KCNH7: variants seen among roughly 807,000 people sequenced by gnomAD.
The protein encoded by KCNH7 is voltage-gated inwardly rectifying potassium channel KCNH7.
Under a neutral mutation model 120.8 loss-of-function variants are expected in KCNH7, and 49 were observed. The ratio of observed to expected loss-of-function variants is 0.41; its 90% confidence interval spans 0.32 to 0.51. The LOEUF (loss-of-function observed/expected upper bound fraction) is 0.51, where lower values mean the gene tolerates loss of function less well. KCNH7 is among the 20% of genes least tolerant of loss of function. The pLI is 0.38. For synonymous variants in KCNH7, 547 were observed against 516.1 expected, an observed-to-expected ratio of 1.06 and a Z score of -0.81; for missense variants, 1,097 against 1,446.6, an observed-to-expected ratio of 0.76 and a Z score of 3.92.
chr2:162,726,520 A>C (rs1009056253), intron 2 of KCNH7, among the ~76,000 whole-genome samples: 2 of 152,112 alleles, frequency 1.3e-5, no homozygotes, highest in Non-Finnish European at 2.9e-5. Context: ...CCCGGATTCA[A>C]GTGATTCTCC....
At chr2:162,471,730 A>T (rs1366162352) in intron 6 of KCNH7, among the ~76,000 whole-genome samples, 55 of 152,240 alleles carry the variant, frequency 3.6e-4, no homozygotes, top group Admixed American at 3.6e-3. Flanking sequence ...AGAATTGGAA[A>T]AAACTACTTT....
intron 15 of KCNH7, 144 bp downstream of exon 15, chr2:162,373,326 C>T (rs937723604): frequency 2.1e-6 from 1 of 472,010 alleles, no homozygotes; most frequent in East Asian, 3.4e-5. Context: ...ATTACAGGGC[C>T]CATTTCCAGA....
rs1693503095 is a variant in KCNH7, at chr2:162,572,172, T to G, written c.308-35092A>C. On this transcript the variant is annotated intron_variant, in intron 2 of 15. Coordinates refer to ENST00000332142, the MANE Select transcript of KCNH7 (RefSeq NM_033272.4). Reference sequence around the variant, plus strand: ...TCTGACAAAGGGCTAATATCCAGAATCTATAATGAGCTCCAACAAATTTAC... The same window carrying G: ...TCTGACAAAGGGCTAATATCCAGAAGCTATAATGAGCTCCAACAAATTTAC... Among the ~76,000 whole-genome samples, 7 of 152,092 alleles carry G rather than the reference T, an allele frequency of 4.6e-5. No homozygotes were observed. The South Asian group carries it at 1.5e-3, about 32-fold the overall frequency.
chr2:162,570,884 T>A (rs1304652703), intron 2 of KCNH7, among the ~76,000 whole-genome samples: 1 of 152,150 alleles, frequency 6.6e-6, no homozygotes, highest in African/African-American at 2.4e-5. Context: ...TAGGTATTGA[T>A]GGGCCGTATT....
chr2:162,826,976 A>G (rs1685308257), intron 2 of KCNH7, among the ~76,000 whole-genome samples: 1 of 152,078 alleles, frequency 6.6e-6, no homozygotes, highest in Non-Finnish European at 1.5e-5. Context: ...AGAGTTGATG[A>G]AGGGTTCAGG....
chr2:162,439,312 T>C (rs892610550), intron 7 of KCNH7, among the ~76,000 whole-genome samples: 2 of 152,094 alleles, frequency 1.3e-5, no homozygotes, highest in Non-Finnish European at 2.9e-5. Flanking sequence ...AAAAAGAGCA[T>C]AAAAGCTCAC....
chr2:162,444,184 C>T (rs1312867993), intron 7 of KCNH7, among the ~76,000 whole-genome samples: 1 of 152,086 alleles, frequency 6.6e-6, no homozygotes, highest in African/African-American at 2.4e-5. Flanking sequence ...TGGTCTTTTG[C>T]CCTCTGCCAT....
rs1383753302 is a variant in KCNH7, at chr2:162,632,226, T to C, written c.308-95146A>G. ...TTTCCGTAAAGCAGGAATACCCAAT[T>C]AGAAAATTTAATGGAAAAATAGTAT... On this transcript the variant is annotated intron_variant, in intron 2 of 15. Transcript: ENST00000332142. Among the ~76,000 whole-genome samples the C allele has an allele frequency of 1.3e-5, 2 of 151,946 alleles. 1 individual carries two copies. The highest frequency in any genetic ancestry group is 6.3e-3 in the Middle Eastern group (2 of 316).
chr2:162,440,680 A>G (rs1688390403), intron 7 of KCNH7, among the ~76,000 whole-genome samples: 2 of 152,108 alleles, frequency 1.3e-5, no homozygotes, highest in South Asian at 4.1e-4. Context: ...CTTCTAAAGT[A>G]TGGCTTTTAA....
intron 2 of KCNH7, among the ~76,000 whole-genome samples, chr2:162,715,977 T>TGTGTGTGTGTGTGTGC (rs374889170): frequency 1.3e-5 from 2 of 151,262 alleles, no homozygotes; most frequent in African/African-American, 4.9e-5. Context: ...TGTGTGTGTG[T>TGTGTGTGTGTGTGTGC]GCACACCACA....
At chr2:162,729,325 C>T (rs1380739304) in intron 2 of KCNH7, among the ~76,000 whole-genome samples, 2 of 152,100 alleles carry the variant, frequency 1.3e-5, no homozygotes, top group South Asian at 2.1e-4. Context: ...GACACCACGC[C>T]CGGCTAATTT....
intron 2 of KCNH7, among the ~76,000 whole-genome samples, chr2:162,678,756 C>A (rs1438147814): frequency 6.6e-6 from 1 of 151,522 alleles, no homozygotes; most frequent in Non-Finnish European, 1.5e-5. Context: ...AGCCCAGGAA[C>A]TCTTTCAAAA....
Position 162,670,492 on chromosome 2 carries a change from A to AAAG in KCNH7, c.308-133413_308-133412insCTT, listed in dbSNP as rs1553511726. On this transcript the variant is annotated intron_variant, in intron 2 of 15. Transcript: ENST00000332142. Reference sequence around the variant, plus strand: ...TGTCAAAAAAAAAAAAAAAAAAAAAAGAAAAATATTGACTGTATAAACAAT... The same window carrying AAAG: ...TGTCAAAAAAAAAAAAAAAAAAAAAAAAGGAAAAATATTGACTGTATAAACAAT... Among the ~76,000 whole-genome samples the AAAG allele has an allele frequency of 3.1e-3, 443 of 144,686 alleles. 4 individuals carry two copies. The highest frequency in any genetic ancestry group is 0.011 in the African/African-American group (410 of 35,874). The allele number at this position is 144,686 out of a possible 152,430, so 94.9% of individuals were successfully genotyped here.
intron 2 of KCNH7, among the ~76,000 whole-genome samples, chr2:162,804,725 T>C (rs1317003217): frequency 6.6e-6 from 1 of 151,408 alleles, no homozygotes; most frequent in Non-Finnish European, 1.5e-5. Flanking sequence ...AACATCATTT[T>C]TCATAGATTT....
chr2:162,491,814 G>A lies in KCNH7; in HGVS notation c.1128+12629C>T, dbSNP rs184788985. On this transcript the variant is annotated intron_variant, in intron 6 of 15. Transcript: ENST00000332142. ...TGCCTTTTTCCCCTCTTTCTAGATG[G>A]GTAGCCATTCATCTTCAGTCTGTAC... is the stretch of plus-strand genomic sequence containing the variant. Among the ~76,000 whole-genome samples the A allele has an allele frequency of 9.6e-4, 146 of 152,232 alleles. 1 individual carries two copies. The highest frequency in any genetic ancestry group is 2.8e-3 in the Admixed American group (43 of 15,298).
At chr2:162,765,655 T>C (rs1167754884) in intron 2 of KCNH7, among the ~76,000 whole-genome samples, 1 of 152,192 alleles carries the variant, frequency 6.6e-6, no homozygotes, top group East Asian at 1.9e-4. Context: ...ATTACTGTCT[T>C]TCATGGAGCT....
chr2:162,443,322 C>A (rs202190306), intron 7 of KCNH7, among the ~76,000 whole-genome samples: 1 of 152,110 alleles, frequency 6.6e-6, no homozygotes, highest in South Asian at 2.1e-4. Flanking sequence ...GTTCAATAAC[C>A]AATAGTCATC....
chr2:162,583,125 C>T (rs1195611475), intron 2 of KCNH7, among the ~76,000 whole-genome samples: 1 of 152,010 alleles, frequency 6.6e-6, no homozygotes, highest in East Asian at 1.9e-4. Flanking sequence ...ACTATTTAAA[C>T]AAGTCTGCCT....
At chr2:162,755,394 C>T (rs1688755320) in intron 2 of KCNH7, among the ~76,000 whole-genome samples, 1 of 152,102 alleles carries the variant, frequency 6.6e-6, no homozygotes, top group African/African-American at 2.4e-5. Context: ...ATCACTTGAA[C>T]CCAGGTGGCA....
Sources: gnomAD v4.1 joint callset for allele counts (sites outside exome capture counted in the v4.1 genomes callset) on GRCh38, gnomAD v4.1.1 for gene constraint, MANE v1.5 for transcripts, NCBI Gene and HGNC (gene_info 2026-07-23, HGNC 2026-07-21) for gene names.